CAST: variants seen among roughly 807,000 people sequenced by gnomAD.
CAST encodes the protein calpastatin, also known as MIR583 host.
In CAST, 76 loss-of-function variants were observed where a neutral mutation model predicts 119.6. The observed-to-expected ratio is 0.64, with a 90% CI of 0.53 to 0.77. The LOEUF is 0.77. Among genes scored for constraint, CAST ranks in the 30% least tolerant of loss-of-function variants. The probability of loss-of-function intolerance (pLI) is 0.00; values close to 1 mark genes in which losing one functional copy is unlikely to be tolerated. For synonymous variants in CAST, 319 were observed against 331.6 expected, an observed-to-expected ratio of 0.96 and a Z score of 0.41; for missense variants, 953 against 946.5, an observed-to-expected ratio of 1.01 and a Z score of -0.09.
chr5:96,512,717 C>T, the CAST span, among the ~76,000 whole-genome samples: 3 of 152,178 alleles, frequency 2.0e-5, no homozygotes, highest in African/African-American at 7.2e-5. Context: ...AGATATCAGC[C>T]ATGTTCCTTT....
At chr5:96,661,612 G>A (rs55959916), upstream of CAST, among the ~76,000 whole-genome samples, 4,789 of 152,110 alleles carry the variant, frequency 0.031, 258 homozygotes, top group African/African-American at 0.11. Flanking sequence ...TAAGCACGTA[G>A]GGCTTGTTAA....
the CAST span, among the ~76,000 whole-genome samples, chr5:95,989,694 A>C: frequency 6.6e-6 from 1 of 151,928 alleles, no homozygotes; most frequent in African/African-American, 2.4e-5. Context: ...CTTTTTTTTT[A>C]ATTTAGAAAG....
the CAST span, among the ~76,000 whole-genome samples, chr5:95,999,658 T>C: frequency 2.0e-5 from 3 of 152,182 alleles, no homozygotes; most frequent in Non-Finnish European, 2.9e-5. Context: ...CACTGATTGA[T>C]TGACATTTCA....
At chr5:96,042,743 C>A in the CAST span, among the ~76,000 whole-genome samples, 3 of 152,148 alleles carry the variant, frequency 2.0e-5, no homozygotes, top group African/African-American at 7.2e-5. Flanking sequence ...CTGCTTCTCA[C>A]TTGCGAATCC....
chr5:96,547,219 CA>C (rs1746035646), intron 1 of CAST, among the ~76,000 whole-genome samples: 1 of 152,026 alleles, frequency 6.6e-6, no homozygotes, highest in Non-Finnish European at 1.5e-5. Context: ...TTATGGGTCC[CA>C]AAAAGTCCCA....
At chr5:96,687,587 G>T (rs536440399) in intron 2 of CAST, among the ~76,000 whole-genome samples, 1 of 152,190 alleles carries the variant, frequency 6.6e-6, no homozygotes, top group South Asian at 2.1e-4. Flanking sequence ...CATTAAAGTT[G>T]GTATTTTTGG....
At chr5:96,219,026 G>A in the CAST span, among the ~76,000 whole-genome samples, 2 of 152,196 alleles carry the variant, frequency 1.3e-5, no homozygotes, top group Non-Finnish European at 1.5e-5. Flanking sequence ...AGGAATAAAT[G>A]AAGCTGTGTG....
chr5:96,666,799 AG>A (rs1205013465), intron 1 of CAST, among the ~76,000 whole-genome samples: 1 of 152,210 alleles, frequency 6.6e-6, no homozygotes, highest in Non-Finnish European at 1.5e-5. Context: ...TGCCTTTTAA[AG>A]AATGCTATAG....
rs559674476 is a variant in CAST at position 96,738,553 on chromosome 5, G to A, written c.798+606G>A. ...CTCAAGATTTAAGTATAATGGACTAGAACTTGTTTTGATTTCTCGATATTT... is the reference window on the plus strand; with the variant it reads ...CTCAAGATTTAAGTATAATGGACTAAAACTTGTTTTGATTTCTCGATATTT... On this transcript the variant is annotated intron_variant, in intron 11 of 31. Coordinates refer to ENST00000675179, the MANE Select transcript of CAST (RefSeq NM_001750.7). Among the ~76,000 whole-genome samples the A allele has an allele frequency of 3.4e-4, 52 of 152,144 alleles. 1 individual carries two copies. The South Asian group carries it at 9.8e-3, about 29-fold the overall frequency.
intron 3 of CAST, among the ~76,000 whole-genome samples, chr5:96,705,830 C>G (rs898438103): frequency 6.6e-6 from 1 of 152,134 alleles, no homozygotes; most frequent in Non-Finnish European, 1.5e-5. Flanking sequence ...TCCTGTTATG[C>G]TCGTTTTACA....
At chr5:96,624,883 A>G (rs2150200365) in intron 1 of CAST, among the ~76,000 whole-genome samples, 1 of 152,328 alleles carries the variant, frequency 6.6e-6, no homozygotes, top group Middle Eastern at 3.4e-3. Context: ...GTTACTAGAG[A>G]TAAGAAATCA....
chr5:96,604,585 G>T (rs549420253), intron 1 of CAST, among the ~76,000 whole-genome samples: 94 of 152,290 alleles, frequency 6.2e-4, no homozygotes, highest in African/African-American at 2.2e-3. Context: ...TTCCAGGTAC[G>T]GGGATAGGGC....
the CAST span, among the ~76,000 whole-genome samples, chr5:96,175,967 T>TC: frequency 6.6e-6 from 1 of 152,228 alleles, no homozygotes; most frequent in African/African-American, 2.4e-5. Context: ...TAATGTTATT[T>TC]CCTTGCAGCA....
chr5:96,233,091 G>A, the CAST span, among the ~76,000 whole-genome samples: 1 of 151,990 alleles, frequency 6.6e-6, no homozygotes, highest in Non-Finnish European at 1.5e-5. Context: ...TTAAAATGAA[G>A]CACTTCAACC....
chr5:96,173,768 G>A, the CAST span, among the ~76,000 whole-genome samples: 1 of 149,438 alleles, frequency 6.7e-6, no homozygotes, highest in Non-Finnish European at 1.5e-5. Context: ...TTTGTGAGAC[G>A]GAGTCTCTGT....
chr5:96,526,458 T>A (rs1033339169), upstream of CAST, among the ~76,000 whole-genome samples: 1 of 152,218 alleles, frequency 6.6e-6, no homozygotes, highest in African/African-American at 2.4e-5. Flanking sequence ...CCTTTACTAA[T>A]AAAAGTTTTC....
the CAST span, among the ~76,000 whole-genome samples, chr5:96,409,502 C>T: frequency 3.9e-5 from 6 of 152,164 alleles, no homozygotes; most frequent in Non-Finnish European, 7.4e-5. Flanking sequence ...AAATAGAATC[C>T]ACCAGCTGTC....
the CAST span, among the ~76,000 whole-genome samples, chr5:96,388,423 T>C: frequency 6.6e-6 from 1 of 152,156 alleles, no homozygotes; most frequent in African/African-American, 2.4e-5. Flanking sequence ...GGGCAGTAGC[T>C]CCTGGGGCAC....
the CAST span, among the ~76,000 whole-genome samples, chr5:96,435,571 G>A: frequency 6.6e-6 from 1 of 152,128 alleles, no homozygotes; most frequent in African/African-American, 2.4e-5. Context: ...TGACCTCCAG[G>A]CCCATCAGTG....
Sources: gnomAD v4.1 joint callset for allele counts (sites outside exome capture counted in the v4.1 genomes callset) on GRCh38, gnomAD v4.1.1 for gene constraint, MANE v1.5 for transcripts, NCBI Gene and HGNC (gene_info 2026-07-23, HGNC 2026-07-21) for gene names.